SYNE2: variants seen among roughly 807,000 people sequenced by gnomAD.
SYNE2 encodes spectrin repeat containing nuclear envelope protein 2.
A neutral mutation model predicts 856.3 loss-of-function variants in SYNE2; 431 were observed. That is an observed-to-expected ratio of 0.50 (90% CI 0.47 to 0.55). The LOEUF (loss-of-function observed/expected upper bound fraction) is 0.55, where lower values mean the gene tolerates loss of function less well. SYNE2 is among the 20% of genes least tolerant of loss of function. SYNE2 has a pLI of 0.00. For missense variants in SYNE2, 8,129 were observed against 8,023.2 expected, an observed-to-expected ratio of 1.01 and a Z score of -0.50; for synonymous variants, 2,923 against 2,872.3, an observed-to-expected ratio of 1.02 and a Z score of -0.56.
intron 32 of SYNE2, among the ~76,000 whole-genome samples, chr14:64,013,323 A>ATTTTTTTTTT (rs57074861): frequency 2.9e-5 from 4 of 136,280 alleles, no homozygotes; most frequent in African/African-American, 2.6e-5. Flanking sequence ...TCCTCATTAA[A>ATTTTTTTTTT]TTTTTTTTTT....
chr14:64,091,724 T>G (rs2097617691), intron 60 of SYNE2, among the ~76,000 whole-genome samples: 1 of 152,162 alleles, frequency 6.6e-6, no homozygotes, highest in Non-Finnish European at 1.5e-5. Flanking sequence ...GGAATAATCT[T>G]TAGTTTGTAT....
intron 34 of SYNE2, among the ~76,000 whole-genome samples, chr14:64,019,115 A>G (rs1445994383): frequency 1.3e-5 from 2 of 152,130 alleles, no homozygotes; most frequent in South Asian, 4.1e-4. Flanking sequence ...TACTAAAAAT[A>G]CAAAAATATT....
At chr14:63,951,787 A>G (rs926423272) in intron 7 of SYNE2, among the ~76,000 whole-genome samples, 3 of 152,218 alleles carry the variant, frequency 2.0e-5, no homozygotes, top group Non-Finnish European at 4.4e-5. Context: ...AAGCATTATT[A>G]TGTCATACTC....
At chr14:63,813,776 G>A (rs750695115) in intron 1 of SYNE2, among the ~76,000 whole-genome samples, 22 of 152,164 alleles carry the variant, frequency 1.4e-4, no homozygotes, top group South Asian at 4.1e-4. Flanking sequence ...GTATTAGACC[G>A]GGTGTGGTGG....
At chr14:63,778,918 TCTCCCAAAG>T (rs879666103) in intron 1 of SYNE2, among the ~76,000 whole-genome samples, 76,026 of 132,432 alleles carry the variant, frequency 0.57, 20,747 homozygotes, top group South Asian at 0.71. Context: ...GTGTTGGGAG[TCTCCCAAAG>T]TAGCTCATGG....
intron 88 of SYNE2, 74 bp from the exon 89 acceptor site, chr14:64,163,328 A>G: frequency 1.3e-6 from 2 of 1,542,224 alleles, no homozygotes; most frequent in African/African-American, 1.4e-5. Context: ...CTAGATTTTG[A>G]TGGAGCAGCA....
At chr14:64,041,703 A>G (rs2097149634) in intron 45 of SYNE2, among the ~76,000 whole-genome samples, 1 of 152,012 alleles carries the variant, frequency 6.6e-6, no homozygotes, top group Non-Finnish European at 1.5e-5. Flanking sequence ...TTTTTAAATT[A>G]GTTGGGTGTG....
chr14:64,064,286 A>G (rs1481057961), intron 50 of SYNE2, among the ~76,000 whole-genome samples: 1 of 152,208 alleles, frequency 6.6e-6, no homozygotes, highest in East Asian at 1.9e-4. Context: ...GGTGGGGAAC[A>G]TATACAGCAT....
chr14:63,996,818 T>A (rs1055501944), intron 23 of SYNE2, 129 bp from the exon 24 acceptor site: 6 of 870,578 alleles, frequency 6.9e-6, no homozygotes, highest in Non-Finnish European at 1.1e-5. Flanking sequence ...GCGCCTATTG[T>A]CATAGCATGT....
At position 63,979,027 on chromosome 14, in the gene SYNE2, A is replaced by G. The variant is rs758975952; in HGVS notation, c.1569+13A>G. On this transcript the variant is annotated intron_variant, in intron 14 of 115. Coordinates refer to ENST00000555002, the MANE Select transcript of SYNE2 (RefSeq NM_182914.3). ...GGAAGACTGGCATGTAAGCTTTTCAATTTTGTGTCTTAGGCAACTCCTCCA... is the reference window on the plus strand; with the variant it reads ...GGAAGACTGGCATGTAAGCTTTTCAGTTTTGTGTCTTAGGCAACTCCTCCA... 1.1e-5 allele frequency: 17 copies of G among 1,613,052 alleles called. No homozygotes were observed. The South Asian group carries it at 1.2e-4, about 11-fold the overall frequency.
chr14:63,946,309 T>C (rs1368091026), intron 6 of SYNE2, among the ~76,000 whole-genome samples: 1 of 151,696 alleles, frequency 6.6e-6, no homozygotes, highest in African/African-American at 2.4e-5. Context: ...CTGCCTGTGG[T>C]CCCAGCTTCT....
chr14:64,089,492 A>G (rs924831561), intron 58 of SYNE2, 82 bp from the exon 59 acceptor site: 1 of 1,424,086 alleles, frequency 7.0e-7, no homozygotes, highest in Non-Finnish European at 9.6e-7. Flanking sequence ...AAATAAGAGA[A>G]TAAAATTAAT....
At chr14:64,069,640 A>G (rs1221850872) in intron 51 of SYNE2, among the ~76,000 whole-genome samples, 3 of 152,208 alleles carry the variant, frequency 2.0e-5, no homozygotes, top group Non-Finnish European at 4.4e-5. Flanking sequence ...AGGTCCGTTC[A>G]GTGCTGTGTC....
intron 78 of SYNE2, among the ~76,000 whole-genome samples, chr14:64,136,536 TTAA>T (rs2098091292): frequency 3.3e-5 from 5 of 152,128 alleles, no homozygotes; most frequent in South Asian, 4.1e-4. Flanking sequence ...TTCTGTTTTG[TTAA>T]TAATTTATTT....
Position 64,052,347 on chromosome 14 carries a change from C to T in SYNE2, c.8434C>T (p.Arg2812Trp), listed in dbSNP as rs201429515. The stretch of plus-strand genomic sequence containing the variant: ...TTTAAATAATACCCTAGAGGACTTA[C>T]GGAATCAATACCAAATGCTGGTTTT... ...SDLNNTLEDLRNQYQMLVLKS... is the reference protein window; with the variant it reads ...SDLNNTLEDLWNQYQMLVLKS... The change falls in exon 48 of 116, where the codon CGG (arginine) becomes TGG (tryptophan). Residue 2812 changes from arginine to tryptophan, a missense_variant. Arg to Trp is a moderately radical substitution (Grantham distance 101). Around this residue, in one of 3 missense-constraint regions of SYNE2, gnomAD observed 5,410 missense variants for 5,284.8 expected, o/e 1.02. Coordinates refer to ENST00000555002, the MANE Select transcript of SYNE2 (RefSeq NM_182914.3). The T allele has an allele frequency of 4.0e-5, 64 of 1,613,950 alleles. No homozygotes were observed. The highest frequency in any genetic ancestry group is 1.3e-4 in the East Asian group (6 of 44,890).
At chr14:64,016,931 G>T (rs865985372) in intron 33 of SYNE2, among the ~76,000 whole-genome samples, 2 of 151,946 alleles carry the variant, frequency 1.3e-5, no homozygotes, top group Non-Finnish European at 2.9e-5. Context: ...GAGTAGTAAT[G>T]ATATTACTAG....
chr14:63,823,612 A>G (rs1889310483), intron 1 of SYNE2, among the ~76,000 whole-genome samples: 1 of 142,548 alleles, frequency 7.0e-6, no homozygotes, highest in African/African-American at 2.5e-5. Flanking sequence ...AAAACACCAC[A>G]TGGAAGGAAC....
intron 88 of SYNE2, 126 bp from the exon 89 acceptor site, chr14:64,163,276 A>G (rs2098342577): frequency 1.8e-6 from 2 of 1,096,552 alleles, no homozygotes; most frequent in Admixed American, 2.1e-5. Context: ...AAAATAAATA[A>G]TAACAAAAGA....
intron 1 of SYNE2, among the ~76,000 whole-genome samples, chr14:63,883,769 G>A (rs1182110932): frequency 6.6e-6 from 1 of 152,084 alleles, no homozygotes; most frequent in Non-Finnish European, 1.5e-5. Flanking sequence ...ATTTGAATTT[G>A]GGAAAAATTG....
Sources: allele counts gnomAD v4.1 joint callset (sites outside exome capture counted in the v4.1 genomes callset), GRCh38; gene constraint gnomAD v4.1.1; regional missense constraint gnomAD v4.1.1; transcripts MANE v1.5; gene names NCBI Gene and HGNC (gene_info 2026-07-23, HGNC 2026-07-21).